The following HYCC1 variants were observed in gnomAD, a reference collection of about 807,000 sequenced individuals.
HYCC1 encodes hyccin.
At chr7:22,968,347 ATAG>A in the HYCC1 span, among the ~76,000 whole-genome samples, 2 of 152,154 alleles carry the variant, frequency 1.3e-5, no homozygotes, top group African/African-American at 4.8e-5. Context: ...GGCAGATGTA[ATAG>A]TAGTGATCTG....
chr7:22,926,046 G>T, the HYCC1 span, among the ~76,000 whole-genome samples: 1,700 of 152,276 alleles, frequency 0.011, 27 homozygotes, highest in African/African-American at 0.04. Flanking sequence ...TTAAAGAAAA[G>T]AATTTTCAAC....
chr7:22,922,346 CTCA>C, the HYCC1 span, among the ~76,000 whole-genome samples: 1 of 152,200 alleles, frequency 6.6e-6, no homozygotes, highest in Non-Finnish European at 1.5e-5. Context: ...TCCTGATAAA[CTCA>C]TCATAAGCTG....
At chr7:23,002,064 A>C in the HYCC1 span, among the ~76,000 whole-genome samples, 39 of 150,140 alleles carry the variant, frequency 2.6e-4, no homozygotes, top group African/African-American at 8.8e-4. Context: ...GCACTATAAA[A>C]ATTGACTGAA....
the HYCC1 span, among the ~76,000 whole-genome samples, chr7:22,986,105 T>C: frequency 6.6e-6 from 1 of 152,006 alleles, no homozygotes; most frequent in Non-Finnish European, 1.5e-5. Context: ...GCTTATATAC[T>C]AGCTGACCGT....
the HYCC1 span, among the ~76,000 whole-genome samples, chr7:22,952,708 G>C: frequency 2.6e-5 from 4 of 151,908 alleles, no homozygotes; most frequent in African/African-American, 9.7e-5. Context: ...ACAAGATACT[G>C]AGCATAAACT....
At chr7:22,948,189 A>T in the HYCC1 span, among the ~76,000 whole-genome samples, 1 of 152,100 alleles carries the variant, frequency 6.6e-6, no homozygotes, top group African/African-American at 2.4e-5. Context: ...TAGTGAAACA[A>T]AGTTCAAAGC....
the HYCC1 span, among the ~76,000 whole-genome samples, chr7:22,966,933 A>G: frequency 7.1e-3 from 1,089 of 152,342 alleles, 42 homozygotes; most frequent in Admixed American, 0.06. Flanking sequence ...ACAAAAATGT[A>G]TGCCCAAACT....
the HYCC1 span, among the ~76,000 whole-genome samples, chr7:22,899,995 A>G: frequency 6.6e-6 from 1 of 152,186 alleles, no homozygotes; most frequent in East Asian, 1.9e-4. Context: ...TGCATTCATT[A>G]TTAAATCACT....
chr7:22,918,486 T>C, the HYCC1 span, among the ~76,000 whole-genome samples: 4 of 152,102 alleles, frequency 2.6e-5, no homozygotes, highest in East Asian at 1.9e-4. Flanking sequence ...CCCCCAAAAA[T>C]TTTTGCCACC....
chr7:22,995,356 T>C, the HYCC1 span, among the ~76,000 whole-genome samples: 2 of 152,144 alleles, frequency 1.3e-5, no homozygotes, highest in African/African-American at 2.4e-5. Context: ...CTTGGTGATT[T>C]TTTTTCTTAC....
the HYCC1 span, chr7:22,934,223 T>C: frequency 9.0e-6 from 1 of 111,602 alleles, no homozygotes; most frequent in South Asian, 2.9e-4. Flanking sequence ...TTTTTTTTTT[T>C]TTTTTTTTTT....
the HYCC1 span, chr7:22,945,064 T>G: frequency 6.3e-6 from 1 of 159,318 alleles, no homozygotes; most frequent in Admixed American, 6.1e-5. Flanking sequence ...ATCATTTTTG[T>G]GTTTCCACAT....
At chr7:22,973,513 C>T in the HYCC1 span, among the ~76,000 whole-genome samples, 17 of 152,204 alleles carry the variant, frequency 1.1e-4, no homozygotes, top group South Asian at 3.5e-3. Flanking sequence ...TCTAATATAA[C>T]ACATTGTAGT....
chr7:22,965,089 G>A, the HYCC1 span, among the ~76,000 whole-genome samples: 4 of 149,358 alleles, frequency 2.7e-5, no homozygotes, highest in Admixed American at 2.0e-4. Context: ...AGCCAAGATC[G>A]AGCCACTGCA....
the HYCC1 span, among the ~76,000 whole-genome samples, chr7:22,972,123 G>A: frequency 1.5e-4 from 23 of 152,314 alleles, no homozygotes; most frequent in Admixed American, 3.9e-4. Context: ...CATAGTGAAT[G>A]TGTGTGCTCA....
the HYCC1 span, among the ~76,000 whole-genome samples, chr7:22,902,998 C>A: frequency 6.6e-6 from 1 of 151,976 alleles, no homozygotes. Context: ...TAGGAAAATG[C>A]AAATCAAAAC....
the HYCC1 span, among the ~76,000 whole-genome samples, chr7:22,923,972 C>G: frequency 5.8e-4 from 79 of 136,338 alleles, no homozygotes; most frequent in African/African-American, 2.1e-3. Context: ...GCCTGGCCAA[C>G]ACGGCAAAAC....
the HYCC1 span, among the ~76,000 whole-genome samples, chr7:22,903,615 C>G: frequency 1.3e-5 from 2 of 152,178 alleles, no homozygotes; most frequent in African/African-American, 4.8e-5. Context: ...CTTAGTTTCA[C>G]TGGTAAATTT....
the HYCC1 span, among the ~76,000 whole-genome samples, chr7:23,000,864 G>GA: frequency 4.1e-5 from 6 of 147,978 alleles, no homozygotes; most frequent in African/African-American, 1.5e-4. Context: ...GAGGACAGCA[G>GA]AAAAAAAAGG....
Sources: gnomAD v4.1 joint callset for allele counts (sites outside exome capture counted in the v4.1 genomes callset) on GRCh38, gnomAD v4.1.1 for gene constraint, MANE v1.5 for transcripts, NCBI Gene and HGNC (gene_info 2026-07-23, HGNC 2026-07-21) for gene names.